The following CUL9 variants were observed in gnomAD, a reference collection of about 807,000 sequenced individuals.
CUL9 encodes cullin-9.
In CUL9, 79 loss-of-function variants were observed where a neutral mutation model predicts 272.6. That is an observed-to-expected ratio of 0.29 (90% CI 0.24 to 0.35). CUL9 has a LOEUF of 0.35. Among genes scored for constraint, CUL9 ranks in the 10% least tolerant of loss-of-function variants. The pLI, the probability that CUL9 is intolerant of heterozygous loss-of-function variation, is 1.00. For synonymous variants in CUL9, 1,186 were observed against 1,286.5 expected, an observed-to-expected ratio of 0.92 and a Z score of 1.67; for missense variants, 2,532 against 3,255.6, an observed-to-expected ratio of 0.78 and a Z score of 5.41.
At chr6:43,192,718 T>C (rs1013621174) in intron 8 of CUL9, among the ~76,000 whole-genome samples, 2 of 152,208 alleles carry the variant, frequency 1.3e-5, no homozygotes, top group African/African-American at 4.8e-5. Context: ...GCATTTTGAT[T>C]AGTATCACTT....
chr6:43,200,356 T>C lies in CUL9; in HGVS notation c.3385-80T>C. On this transcript the variant is annotated intron_variant, in intron 14 of 40. Coordinates refer to ENST00000252050, the MANE Select transcript of CUL9 (RefSeq NM_015089.4). This position sits in a 1 kb window ranked among gnomAD's most constrained non-coding sequence, Gnocchi z 4.0. Reference sequence around the variant, plus strand: ...TGAGTATACCGTTGACCCTTGACTTTTTCTCTCTACCTGTTTCTGGGCATT... The same window carrying C: ...TGAGTATACCGTTGACCCTTGACTTCTTCTCTCTACCTGTTTCTGGGCATT... 3 of 1,610,554 alleles carry C rather than the reference T, an allele frequency of 1.9e-6. No homozygotes were observed. In the Admixed American group the frequency reaches 5.0e-5, roughly 27 times the overall value.
intron 1 of CUL9, among the ~76,000 whole-genome samples, chr6:43,183,620 T>G (rs1772625550): frequency 6.6e-6 from 1 of 152,250 alleles, no homozygotes; most frequent in Non-Finnish European, 1.5e-5. Context: ...CTGCCTAAAC[T>G]GTCTTGCTTA....
Position 43,213,973 on chromosome 6 carries a change from T to A in CUL9, c.5688+61T>A. 6.6e-7 allele frequency: 1 copy of A among 1,506,888 alleles called. No homozygotes were observed. Among genetic ancestry groups the A allele is most frequent in the Middle Eastern group, 1.7e-4 (1 of 5,798 alleles). 93.3% of individuals were successfully genotyped at this position (1,506,888 alleles called of 1,614,324 possible). On this transcript the variant is annotated intron_variant, in intron 29 of 40. Coordinates refer to ENST00000252050, the MANE Select transcript of CUL9 (RefSeq NM_015089.4). The surrounding 1 kb of genome is among the most constrained non-coding windows in gnomAD (Gnocchi z 5.7). Reference sequence around the variant, plus strand: ...AGGGAGTCATGCTTGGGATTGGGGATGAACACAGTGAACTCTTTCAATATA... The same window carrying A: ...AGGGAGTCATGCTTGGGATTGGGGAAGAACACAGTGAACTCTTTCAATATA...
intron 17 of CUL9, 81 bp downstream of exon 17, chr6:43,202,902 G>A (rs1774726380): frequency 7.1e-7 from 1 of 1,401,722 alleles, no homozygotes; most frequent in Non-Finnish European, 1.0e-6. Flanking sequence ...CCTAGTCCCT[G>A]GGGAATGGTG....
At position 43,204,426 on chromosome 6, in the gene CUL9, G is replaced by T; in HGVS notation, c.4226G>T (p.Arg1409Leu). The change falls in exon 21 of 41, where the codon CGG becomes CTG. Residue 1409 changes from arginine (R) to leucine (L), a missense_variant. Transcript: ENST00000252050. ...DQYLEQRETS[R>L]NPLSRAASFA... The stretch of plus-strand genomic sequence containing the variant: ...TACTTAGAACAGAGAGAGACCTCTC[G>T]GAACCCCTTGAGTCGAGCAGCGTCC... 6.2e-7 allele frequency: 1 copy of T among 1,614,150 alleles called. No homozygotes were observed. Among genetic ancestry groups the T allele is most frequent in the Non-Finnish European group, 8.5e-7 (1 of 1,180,020 alleles).
chr6:43,211,894 C>T (rs1391242290), intron 26 of CUL9, among the ~76,000 whole-genome samples: 1 of 152,122 alleles, frequency 6.6e-6, no homozygotes, highest in Admixed American at 6.6e-5. Flanking sequence ...TCCCTGATTG[C>T]CTTGGGGTTT....
chr6:43,188,213 A>G (rs1194647572), intron 7 of CUL9, 95 bp downstream of exon 7: 2 of 1,457,466 alleles, frequency 1.4e-6, no homozygotes, highest in South Asian at 2.6e-5. Context: ...GCCATGGAGG[A>G]AGGTGATTTT....
rs367600270 is a variant in CUL9, at chr6:43,221,771, C to T, written c.6839C>T (p.Ser2280Phe). 10 of 1,612,074 alleles carry T rather than the reference C, an allele frequency of 6.2e-6. No homozygotes were observed. The African/African-American group carries it at 1.3e-4, about 22-fold the overall frequency. The change falls in exon 35 of 41, where the codon TCT becomes TTT. Residue 2280 changes from serine to phenylalanine, a missense_variant. Ser to Phe is a radical substitution (Grantham distance 155). Transcript: ENST00000252050. The surrounding 1 kb of genome is among the most constrained non-coding windows in gnomAD (Gnocchi z 4.2). ...KPNHKDYYNC[S>F]AMVSKAARQE... is the part of the protein sequence containing the mutation. Reference sequence around the variant, plus strand: ...AATCACAAAGACTATTACAACTGCTCTGCCATGGTAAGGCGCTGGGCACTA... The same window carrying T: ...AATCACAAAGACTATTACAACTGCTTTGCCATGGTAAGGCGCTGGGCACTA...
intron 6 of CUL9, 66 bp downstream of exon 6, chr6:43,187,505 G>A: frequency 6.6e-7 from 1 of 1,523,626 alleles, no homozygotes; most frequent in South Asian, 1.2e-5. Flanking sequence ...TCTAGAGGGA[G>A]TTTCAGATAG....
intron 9 of CUL9, 109 bp from the exon 10 acceptor site, chr6:43,195,960 T>A: frequency 1.2e-6 from 1 of 809,768 alleles, no homozygotes; most frequent in South Asian, 1.7e-5. Context: ...CTACTCTACC[T>A]ATCTGCAAAC....
At position 43,221,679 on chromosome 6, in the gene CUL9, C is replaced by T. The variant is rs184056786; in HGVS notation, c.6753-6C>T. 6.2e-7 allele frequency: 1 copy of T among 1,613,496 alleles called. No homozygotes were observed. The highest frequency in any genetic ancestry group is 2.2e-5 in the East Asian group (1 of 44,890). On this transcript the variant is annotated splice_region_variant and splice_polypyrimidine_tract_variant and intron_variant, in intron 34 of 40. Coordinates refer to ENST00000252050, the MANE Select transcript of CUL9 (RefSeq NM_015089.4). This position sits in a 1 kb window ranked among gnomAD's most constrained non-coding sequence, Gnocchi z 4.2. Reference sequence around the variant, plus strand: ...GGAGTCCCTGACCAGCCAGCTTCCTCCATAGCATGACCTGTGCCAAATGTA... The same window carrying T: ...GGAGTCCCTGACCAGCCAGCTTCCTTCATAGCATGACCTGTGCCAAATGTA...
intron 9 of CUL9, among the ~76,000 whole-genome samples, chr6:43,195,858 T>C (rs1773947515): frequency 6.6e-6 from 1 of 152,054 alleles, no homozygotes; most frequent in African/African-American, 2.4e-5. Flanking sequence ...TGTTGTTTAG[T>C]TTCTTTCCTT....
chr6:43,200,898 A>G lies in CUL9; in HGVS notation c.3647+64A>G, dbSNP rs933139149. 7.5e-6 allele frequency: 12 copies of G among 1,595,438 alleles called. No homozygotes were observed. Among genetic ancestry groups the G allele is most frequent in the Non-Finnish European group, 1.0e-5 (12 of 1,165,224 alleles). On this transcript the variant is annotated intron_variant, in intron 16 of 40. Transcript: ENST00000252050. This position sits in a 1 kb window ranked among gnomAD's most constrained non-coding sequence, Gnocchi z 4.0. ...GGATACTTCCCCAAAGCACCCAGAT[A>G]CACACAACCCCAGCTATAACCCCAA...
chr6:43,206,151 G>T lies in CUL9; in HGVS notation c.4938G>T (p.Gln1646His), dbSNP rs759188159. 1.2e-6 allele frequency: 2 copies of T among 1,614,164 alleles called. No individual in the cohort carries two copies. Among genetic ancestry groups the T allele is most frequent in the East Asian group, 2.2e-5 (1 of 44,880 alleles). The part of the protein sequence containing the change: ...SLSTSEELQR[Q>H]FHLFQLQRLD... ...GCACCTCTGAGGAGCTGCAGCGCCA[G>T]TTCCACCTCTTCCAGCTCCAGCGGC... The change falls in exon 25 of 41, where the codon CAG (glutamine) becomes CAT (histidine). Residue 1646 changes from glutamine (Q) to histidine (H), a missense_variant. By Grantham distance (24) the Gln-to-His change is conservative. Transcript: ENST00000252050. This position sits in a 1 kb window ranked among gnomAD's most constrained non-coding sequence, Gnocchi z 4.8.
At chr6:43,194,431 G>T (rs1468048974) in intron 9 of CUL9, among the ~76,000 whole-genome samples, 1 of 151,856 alleles carries the variant, frequency 6.6e-6, no homozygotes, top group African/African-American at 2.4e-5. Flanking sequence ...CGATTCTCCC[G>T]CCTCAGCCTC....
chr6:43,213,041 G>T lies in CUL9; in HGVS notation c.5213-108G>T. On this transcript the variant is annotated intron_variant, in intron 26 of 40. Transcript: ENST00000252050. This position sits in a 1 kb window ranked among gnomAD's most constrained non-coding sequence, Gnocchi z 5.7. ...TATCTCTCTGTCTGAAAATGCTGGG[G>T]CCCTCCTCCCCATAGGGACTAGTAG... The T allele has an allele frequency of 8.0e-7, 1 of 1,244,202 alleles. No individual in the cohort carries two copies. Among genetic ancestry groups the T allele is most frequent in the Admixed American group, 2.2e-5 (1 of 44,670 alleles). 77.1% of individuals were successfully genotyped at this position (1,244,202 alleles called of 1,614,324 possible).
intron 17 of CUL9, 121 bp from the exon 18 acceptor site, chr6:43,202,988 C>G: frequency 8.0e-7 from 1 of 1,245,668 alleles, no homozygotes. Flanking sequence ...CACGTCCATC[C>G]CTAGGCTCTG....
chr6:43,193,516 A>G (rs1773712299), intron 9 of CUL9, among the ~76,000 whole-genome samples: 1 of 152,086 alleles, frequency 6.6e-6, no homozygotes, highest in African/African-American at 2.4e-5. Context: ...TTACAGGCAT[A>G]AGCCACTGTG....
At position 43,202,713 on chromosome 6, in the gene CUL9, C is replaced by T. The variant is rs1384104481; in HGVS notation, c.3648-3C>T. ...TTTGACTGTTTCCTTTCTTCTTTCC[C>T]AGGCAGCTCACTTTGCTGGTGGCCA... On this transcript the variant is annotated splice_polypyrimidine_tract_variant and splice_region_variant and intron_variant, in intron 16 of 40. Coordinates refer to ENST00000252050, the MANE Select transcript of CUL9 (RefSeq NM_015089.4). The T allele has an allele frequency of 6.2e-7, 1 of 1,613,806 alleles. No individual in the cohort carries two copies. Among genetic ancestry groups the T allele is most frequent in the South Asian group, 1.1e-5 (1 of 91,062 alleles).
Sources: allele counts gnomAD v4.1 joint callset (sites outside exome capture counted in the v4.1 genomes callset), GRCh38; gene constraint gnomAD v4.1.1; non-coding constraint Gnocchi (gnomAD v3.1); transcripts MANE v1.5; gene names NCBI Gene and HGNC (gene_info 2026-07-23, HGNC 2026-07-21).